CNTN4: variants seen among roughly 807,000 people sequenced by gnomAD.
CNTN4 encodes contactin 4.
In CNTN4, 77 loss-of-function variants were observed where a neutral mutation model predicts 122.5. The observed-to-expected ratio is 0.63, with a 90% CI of 0.52 to 0.76. The LOEUF (loss-of-function observed/expected upper bound fraction) is 0.76, where lower values mean the gene tolerates loss of function less well. Among genes scored for constraint, CNTN4 ranks in the 30% least tolerant of loss-of-function variants. The pLI is 0.00. For synonymous variants in CNTN4, 512 were observed against 447.0 expected (o/e 1.15, Z -1.83); for missense variants, 1,256 against 1,259.1 (o/e 1.00, Z 0.04).
At chr3:2,773,052 C>T (rs185396591) in intron 6 of CNTN4, among the ~76,000 whole-genome samples, 1 of 152,046 alleles carries the variant, frequency 6.6e-6, no homozygotes, top group East Asian at 1.9e-4. Context: ...TTTGCCAGAG[C>T]GGTTTCATGG....
chr3:2,940,789 A>T (rs1306631258), intron 13 of CNTN4, among the ~76,000 whole-genome samples: 1 of 152,208 alleles, frequency 6.6e-6, no homozygotes, highest in Non-Finnish European at 1.5e-5. Context: ...AATCTCAATA[A>T]TATGAGAGTC....
chr3:2,506,069 A>C (rs1381549930), intron 3 of CNTN4, among the ~76,000 whole-genome samples: 2 of 151,854 alleles, frequency 1.3e-5, no homozygotes, highest in Non-Finnish European at 2.9e-5. Context: ...AGAACATTTT[A>C]GATTTAGCTT....
At chr3:2,232,589 T>C (rs2039528568) in intron 2 of CNTN4, among the ~76,000 whole-genome samples, 1 of 152,188 alleles carries the variant, frequency 6.6e-6, no homozygotes, top group African/African-American at 2.4e-5. Flanking sequence ...TATGCTGTTT[T>C]TAGTTTTTTA....
At chr3:2,559,333 T>C (rs554685258) in intron 3 of CNTN4, among the ~76,000 whole-genome samples, 1 of 152,148 alleles carries the variant, frequency 6.6e-6, no homozygotes, top group Non-Finnish European at 1.5e-5. Flanking sequence ...TTTTTGAATG[T>C]CAGTACTATC....
At chr3:2,924,602 G>C (rs1420986317) in intron 12 of CNTN4, among the ~76,000 whole-genome samples, 2 of 152,038 alleles carry the variant, frequency 1.3e-5, no homozygotes, top group Non-Finnish European at 2.9e-5. Flanking sequence ...TGTATCTTTT[G>C]TTTTAGGAAA....
At chr3:2,884,403 A>G (rs908242493) in intron 9 of CNTN4, among the ~76,000 whole-genome samples, 1 of 152,160 alleles carries the variant, frequency 6.6e-6, no homozygotes, top group African/African-American at 2.4e-5. Context: ...AATAAGCTAC[A>G]GTCGTATCTT....
At chr3:2,932,377 C>A (rs2094529049) in intron 13 of CNTN4, among the ~76,000 whole-genome samples, 1 of 151,838 alleles carries the variant, frequency 6.6e-6, no homozygotes, top group Non-Finnish European at 1.5e-5. Context: ...GACTCCGTCT[C>A]AAAAAATAAA....
At chr3:2,989,970 A>G (rs1292347913) in intron 14 of CNTN4, among the ~76,000 whole-genome samples, 4 of 152,210 alleles carry the variant, frequency 2.6e-5, no homozygotes, top group African/African-American at 9.6e-5. Flanking sequence ...CATAGTTAAA[A>G]GACAGGGATT....
At chr3:2,710,456 C>G (rs565469135) in intron 4 of CNTN4, among the ~76,000 whole-genome samples, 281 of 152,268 alleles carry the variant, frequency 1.8e-3, no homozygotes, top group African/African-American at 6.4e-3. Flanking sequence ...AGTGCAATTT[C>G]CTTTTCCTGA....
intron 2 of CNTN4, among the ~76,000 whole-genome samples, chr3:2,312,066 C>G (rs937131382): frequency 3.3e-5 from 5 of 151,788 alleles, no homozygotes; most frequent in Non-Finnish European, 7.4e-5. Context: ...ATAAAAATGG[C>G]ACTTTGGGAG....
At chr3:3,027,206 G>T (rs1163062204) in intron 15 of CNTN4, among the ~76,000 whole-genome samples, 1 of 152,164 alleles carries the variant, frequency 6.6e-6, no homozygotes, top group Non-Finnish European at 1.5e-5. Context: ...TTATCAAACA[G>T]GGTTTTTGCA....
chr3:2,260,757 G>A lies in CNTN4; in HGVS notation c.-144-78421G>A, dbSNP rs911118239. ...ATTTTTTTTTTGAGACAAGAGTCTC[G>A]CTCTCTGTCATCCAGGCTGGAGTGC... On this transcript the variant is annotated intron_variant, in intron 2 of 24. Transcript: ENST00000418658. Among the ~76,000 whole-genome samples the A allele has an allele frequency of 5.2e-4, 74 of 143,178 alleles. 1 individual carries two copies. The highest frequency in any genetic ancestry group is 9.6e-4 in the Non-Finnish European group (64 of 66,574). The allele number at this position is 143,178 out of a possible 152,430, so 93.9% of individuals were successfully genotyped here.
intron 3 of CNTN4, among the ~76,000 whole-genome samples, chr3:2,568,280 G>A (rs1341936676): frequency 7.9e-6 from 1 of 125,874 alleles, no homozygotes; most frequent in Non-Finnish European, 1.6e-5. Flanking sequence ...AGAATTGTTT[G>A]AAGGGTTGAG....
intron 2 of CNTN4, among the ~76,000 whole-genome samples, chr3:2,271,606 G>A (rs138919772): frequency 3.3e-5 from 5 of 151,996 alleles, no homozygotes; most frequent in Admixed American, 6.6e-5. Context: ...GGAAAGTATT[G>A]GTTATATAAA....
chr3:2,447,258 A>G (rs748892977), intron 3 of CNTN4, among the ~76,000 whole-genome samples: 7 of 152,210 alleles, frequency 4.6e-5, no homozygotes, highest in Non-Finnish European at 8.8e-5. Context: ...CCATGAATGT[A>G]ACAGATTCCA....
intron 13 of CNTN4, among the ~76,000 whole-genome samples, chr3:2,937,316 T>C (rs1402885681): frequency 6.6e-6 from 1 of 152,174 alleles, no homozygotes; most frequent in Non-Finnish European, 1.5e-5. Context: ...CTTCTTTTCA[T>C]GCCCCCAAAA....
chr3:2,804,893 G>A (rs1019223667), intron 6 of CNTN4, among the ~76,000 whole-genome samples: 4 of 152,040 alleles, frequency 2.6e-5, no homozygotes, highest in Non-Finnish European at 5.9e-5. Flanking sequence ...TGTCTTTATC[G>A]GCCAGGCGTG....
chr3:2,978,323 T>G (rs1693621643), intron 13 of CNTN4, among the ~76,000 whole-genome samples: 1 of 152,144 alleles, frequency 6.6e-6, no homozygotes, highest in South Asian at 2.1e-4. Context: ...CCCGGCCCCA[T>G]GTACTCAGGC....
intron 2 of CNTN4, among the ~76,000 whole-genome samples, chr3:2,335,685 T>A (rs1278927775): frequency 6.6e-6 from 1 of 151,844 alleles, no homozygotes; most frequent in Non-Finnish European, 1.5e-5. Flanking sequence ...ATGGGAAGTT[T>A]TAACTATGTC....
Sources: allele counts gnomAD v4.1 joint callset (sites outside exome capture counted in the v4.1 genomes callset), GRCh38; gene constraint gnomAD v4.1.1; transcripts MANE v1.5; gene names NCBI Gene and HGNC (gene_info 2026-07-23, HGNC 2026-07-21).